LDLRAD4: variants seen among roughly 807,000 people sequenced by gnomAD.
LDLRAD4 encodes the protein low density lipoprotein receptor class A domain containing 4, also known as low-density lipoprotein receptor class A domain-containing protein 4.
LDLRAD4 carries 5 observed loss-of-function variants against 17.0 expected under a neutral mutation model. The observed-to-expected ratio is 0.29, with a 90% CI of 0.15 to 0.62. The LOEUF (loss-of-function observed/expected upper bound fraction) is 0.62. Among genes scored for constraint, LDLRAD4 ranks in the 20% least tolerant of loss-of-function variants. The pLI, the probability that LDLRAD4 is intolerant of heterozygous loss-of-function variation, is 0.84. For missense variants in LDLRAD4, 340 were observed against 424.7 expected, an observed-to-expected ratio of 0.80 and a Z score of 1.75; for synonymous variants, 168 against 171.8, an observed-to-expected ratio of 0.98 and a Z score of 0.17.
At chr18:13,463,616 C>T (rs548018416) in intron 3 of LDLRAD4, among the ~76,000 whole-genome samples, 3 of 152,150 alleles carry the variant, frequency 2.0e-5, no homozygotes, top group Non-Finnish European at 2.9e-5. Context: ...CTCATTCACA[C>T]GATTCTGATA....
intron 3 of LDLRAD4, among the ~76,000 whole-genome samples, chr18:13,536,016 T>A (rs1207644828): frequency 6.6e-6 from 1 of 152,224 alleles, no homozygotes; most frequent in Non-Finnish European, 1.5e-5. Context: ...TCTGTAGGTC[T>A]ATCTGTATAC....
At chr18:13,287,399 TAGG>T (rs2045690811) in intron 1 of LDLRAD4, among the ~76,000 whole-genome samples, 1 of 152,210 alleles carries the variant, frequency 6.6e-6, no homozygotes, top group Non-Finnish European at 1.5e-5. Flanking sequence ...TTAGCCCAGG[TAGG>T]AGGATCACTG....
At chr18:13,633,983 G>A (rs889252279) in intron 4 of LDLRAD4, among the ~76,000 whole-genome samples, 1 of 152,218 alleles carries the variant, frequency 6.6e-6, no homozygotes, top group African/African-American at 2.4e-5. Context: ...GGCCACCACT[G>A]CCATCAGTGT....
chr18:13,388,273 C>T (rs991043734), intron 2 of LDLRAD4, among the ~76,000 whole-genome samples: 4 of 152,204 alleles, frequency 2.6e-5, no homozygotes, highest in Non-Finnish European at 5.9e-5. Context: ...GGTGATTTGG[C>T]CCTGGCTGGC....
chr18:13,535,573 A>G (rs945566904), intron 3 of LDLRAD4, among the ~76,000 whole-genome samples: 2 of 152,068 alleles, frequency 1.3e-5, no homozygotes, highest in African/African-American at 4.8e-5. Context: ...TGTTAGATAT[A>G]TATTTTCCGC....
chr18:13,463,258 C>T (rs2092498870), intron 3 of LDLRAD4, among the ~76,000 whole-genome samples: 1 of 152,154 alleles, frequency 6.6e-6, no homozygotes, highest in Admixed American at 6.5e-5. Flanking sequence ...CCCTCCCTGT[C>T]CCCCAGTTCT....
intron 3 of LDLRAD4, among the ~76,000 whole-genome samples, chr18:13,479,141 G>C (rs986847637): frequency 6.6e-6 from 1 of 152,104 alleles, no homozygotes; most frequent in African/African-American, 2.4e-5. Context: ...ATAGATCACA[G>C]GCTTAAATAT....
chr18:13,378,794 T>C (rs2085122000), intron 1 of LDLRAD4, among the ~76,000 whole-genome samples: 1 of 152,202 alleles, frequency 6.6e-6, no homozygotes, highest in African/African-American at 2.4e-5. Context: ...TTAGCTGGCA[T>C]GGAATGATTT....
At chr18:13,478,742 C>T (rs554124789) in intron 3 of LDLRAD4, among the ~76,000 whole-genome samples, 3 of 152,282 alleles carry the variant, frequency 2.0e-5, no homozygotes, top group African/African-American at 7.2e-5. Flanking sequence ...CATAAAAATC[C>T]CAGTGAGTTG....
chr18:13,507,617 A>G (rs1214153917), intron 3 of LDLRAD4, among the ~76,000 whole-genome samples: 1 of 152,208 alleles, frequency 6.6e-6, no homozygotes, highest in Non-Finnish European at 1.5e-5. Context: ...TTGTGCTGCT[A>G]TAAACATGCA....
chr18:13,388,797 G>A (rs2086033747), intron 2 of LDLRAD4, among the ~76,000 whole-genome samples: 1 of 152,238 alleles, frequency 6.6e-6, no homozygotes, highest in Non-Finnish European at 1.5e-5. Flanking sequence ...GAAGAACGAG[G>A]GGACGGGTCT....
intron 1 of LDLRAD4, among the ~76,000 whole-genome samples, chr18:13,234,384 G>A (rs1172125714): frequency 6.7e-6 from 1 of 150,230 alleles, no homozygotes; most frequent in Non-Finnish European, 1.5e-5. Context: ...CACGGGGCCT[G>A]GTCATTGTGA....
intron 3 of LDLRAD4, among the ~76,000 whole-genome samples, chr18:13,600,639 C>A (rs1328060365): frequency 6.6e-6 from 1 of 152,294 alleles, no homozygotes; most frequent in Non-Finnish European, 1.5e-5. Flanking sequence ...CATGTGTGAC[C>A]AAATTGCCAC....
intron 1 of LDLRAD4, among the ~76,000 whole-genome samples, chr18:13,344,872 GCT>G (rs1296688318): frequency 1.3e-5 from 2 of 152,008 alleles, no homozygotes; most frequent in African/African-American, 2.4e-5. Context: ...TCATGATTTG[GCT>G]CTCTGTTTGT....
At chr18:13,360,155 C>T (rs2083576381) in intron 1 of LDLRAD4, among the ~76,000 whole-genome samples, 2 of 152,228 alleles carry the variant, frequency 1.3e-5, no homozygotes, top group Non-Finnish European at 2.9e-5. Context: ...CTCCACCAAG[C>T]TGGCCTTGCT....
rs116098944 is a variant in LDLRAD4 at position 13,582,492 on chromosome 18, G to A, written c.182-38625G>A. 5.0e-3 allele frequency among the ~76,000 whole-genome samples: 757 copies of A among 152,332 alleles called. 3 individuals are homozygous for A. The highest frequency in any genetic ancestry group is 0.017 in the African/African-American group (721 of 41,562). ...CTTGCCCGCTAAGGCCCCCAGCCGAGGGCAGTGTTTGCAGCTCCTCTGCTC... is the reference window on the plus strand; with the variant it reads ...CTTGCCCGCTAAGGCCCCCAGCCGAAGGCAGTGTTTGCAGCTCCTCTGCTC... On this transcript the variant is annotated intron_variant, in intron 3 of 5. Transcript: ENST00000359446.
At chr18:13,529,547 A>G (rs760202054) in intron 3 of LDLRAD4, among the ~76,000 whole-genome samples, 2 of 152,242 alleles carry the variant, frequency 1.3e-5, no homozygotes, top group South Asian at 4.1e-4. Context: ...AACTAGACCC[A>G]AGTAAATAAT....
intron 1 of LDLRAD4, among the ~76,000 whole-genome samples, chr18:13,249,646 T>A (rs1191802306): frequency 6.6e-6 from 1 of 152,202 alleles, no homozygotes; most frequent in Non-Finnish European, 1.5e-5. Context: ...ATTTTGTATA[T>A]TAATCCTTCA....
At position 13,386,191 on chromosome 18, in the gene LDLRAD4, T is replaced by G. The variant is rs867159636; in HGVS notation, c.-382-1150T>G. On this transcript the variant is annotated intron_variant, in intron 1 of 5. Coordinates refer to ENST00000359446, the Ensembl canonical transcript of LDLRAD4. ...TTTCTAAAAGTTGGTTATAAATTGA[T>G]TAGGATGAAGTGATAACATAAAAGA... 3.9e-5 allele frequency among the ~76,000 whole-genome samples: 6 copies of G among 152,204 alleles called. No homozygotes were observed. The South Asian group carries it at 1.2e-3, about 32-fold the overall frequency.
Sources: gnomAD v4.1 joint callset for allele counts (sites outside exome capture counted in the v4.1 genomes callset) on GRCh38, gnomAD v4.1.1 for gene constraint, MANE v1.5 for transcripts, NCBI Gene and HGNC (gene_info 2026-07-23, HGNC 2026-07-21) for gene names.